Variants in TOMM40 observed in about 807,000 individuals in gnomAD.
TOMM40 encodes the protein translocase of outer mitochondrial membrane 40.
A neutral mutation model predicts 38.4 loss-of-function variants in TOMM40; 9 were observed. The observed-to-expected ratio is 0.23, with a 90% CI of 0.14 to 0.41. TOMM40 has a LOEUF of 0.41. Ranked by LOEUF, TOMM40 falls within the 10% of genes least tolerant of loss-of-function variation. TOMM40 has a pLI of 1.00. For missense variants in TOMM40, 299 were observed against 486.5 expected (o/e 0.61, Z 3.63); for synonymous variants, 184 against 210.0 (o/e 0.88, Z 1.07).
intron 6 of TOMM40, 37 bp from the exon 7 acceptor site, chr19:44,900,991 G>C: frequency 6.2e-7 from 1 of 1,612,890 alleles, no homozygotes; most frequent in Non-Finnish European, 8.5e-7. Flanking sequence ...AAATCCCCTT[G>C]GTAATGAGAC....
chr19:44,896,144 C>T (rs541795229), intron 5 of TOMM40, among the ~76,000 whole-genome samples: 1 of 152,312 alleles, frequency 6.6e-6, no homozygotes, highest in East Asian at 1.9e-4. Context: ...TGCTCCCCAG[C>T]ACTGGCCTCC....
chr19:44,892,558 G>T, intron 2 of TOMM40, 98 bp downstream of exon 2: 1 of 1,173,400 alleles, frequency 8.5e-7, no homozygotes, highest in South Asian at 1.2e-5. Context: ...CTCAAGAGCT[G>T]GGCTCCCTGA....
At chr19:44,899,791 C>CTTTTTTTTTTTTTTTTTTTTTT (rs10524523) in intron 5 of TOMM40, among the ~76,000 whole-genome samples, 3 of 90,984 alleles carry the variant, frequency 3.3e-5, no homozygotes, top group Non-Finnish European at 4.4e-5. Flanking sequence ...TTGCATCTGG[C>CTTTTTTTTTTTTTTTTTTTTTT]TTTTTTTTTT....
chr19:44,891,408 A>G lies in TOMM40; in HGVS notation c.-8A>G. The G allele has an allele frequency of 7.8e-7, 1 of 1,284,420 alleles. No homozygotes were observed. Among genetic ancestry groups the G allele is most frequent in the Non-Finnish European group, 9.8e-7 (1 of 1,019,664 alleles). 79.6% of individuals were successfully genotyped at this position (1,284,420 alleles called of 1,614,324 possible). ...TCTGCCCTCTGACCTCTCCCCTAGC[A>G]GGCGACCATGGGGAACGTGTTGGCT... On this transcript the variant is annotated 5_prime_UTR_variant, in exon 1 of 9. Coordinates refer to ENST00000426677, the MANE Select transcript of TOMM40 (RefSeq NM_001128917.2).
At chr19:44,895,324 G>A (rs1969545094) in intron 5 of TOMM40, among the ~76,000 whole-genome samples, 1 of 152,132 alleles carries the variant, frequency 6.6e-6, no homozygotes, top group Non-Finnish European at 1.5e-5. Context: ...TCCAGGCAGG[G>A]AGAAGCAGGA....
intron 3 of TOMM40, among the ~76,000 whole-genome samples, chr19:44,893,346 T>A (rs1007804695): frequency 9.2e-5 from 14 of 152,142 alleles, no homozygotes; most frequent in African/African-American, 3.1e-4. Context: ...CTCTGGGGCA[T>A]CTCTGGGGTG....
chr19:44,893,414 G>A (rs915068584), intron 3 of TOMM40, among the ~76,000 whole-genome samples: 2 of 152,206 alleles, frequency 1.3e-5, no homozygotes, highest in East Asian at 1.9e-4. Flanking sequence ...CAGGGTTGGG[G>A]GGACTGAATG....
chr19:44,891,998 AAGGTGTCAGCG>A (rs377239666), intron 1 of TOMM40, among the ~76,000 whole-genome samples: 201 of 152,288 alleles, frequency 1.3e-3, no homozygotes, highest in African/African-American at 4.1e-3. Flanking sequence ...CGGTGTCAGC[AAGGTGTCAGCG>A]AGGTTCCTTG....
rs1200478113 is a variant in TOMM40, at chr19:44,891,498, C to T, written c.83C>T (p.Pro28Leu). The T allele has an allele frequency of 1.2e-5, 16 of 1,386,920 alleles. No individual in the cohort carries two copies. Among genetic ancestry groups the T allele is most frequent in the Non-Finnish European group, 1.4e-5 (15 of 1,069,786 alleles). 85.9% of individuals were successfully genotyped at this position (1,386,920 alleles called of 1,614,324 possible). The change falls in exon 1 of 9, where the codon CCT becomes CTT. Residue 28 changes from proline to leucine, a missense_variant. Pro to Leu is a moderately conservative substitution (Grantham distance 98, BLOSUM62 -3). Coordinates refer to ENST00000426677, the MANE Select transcript of TOMM40 (RefSeq NM_001128917.2). ...PAPALVGLPP[P>L]PPSPPGFTLP... The stretch of plus-strand genomic sequence containing the variant: ...CCGGCCCTCGTGGGGCTGCCGCCAC[C>T]TCCGCCCTCGCCGCCGGGCTTCACG...
chr19:44,897,737 G>A (rs1969592959), intron 5 of TOMM40, among the ~76,000 whole-genome samples: 1 of 149,980 alleles, frequency 6.7e-6, no homozygotes, highest in East Asian at 2.0e-4. Flanking sequence ...TGACGCCTTT[G>A]CACTCCAGCC....
At chr19:44,899,163 T>C (rs889461493) in intron 5 of TOMM40, among the ~76,000 whole-genome samples, 6 of 151,746 alleles carry the variant, frequency 4.0e-5, no homozygotes, top group Non-Finnish European at 7.4e-5. Context: ...AAATTTCTTA[T>C]TTTTTGAAAC....
intron 8 of TOMM40, 123 bp downstream of exon 8, chr19:44,901,433 CA>C: frequency 2.0e-6 from 3 of 1,500,580 alleles, no homozygotes; most frequent in African/African-American, 1.4e-5. Flanking sequence ...TCCACATTAC[CA>C]GGGAACACTT....
chr19:44,899,148 A>T (rs1969629495), intron 5 of TOMM40, among the ~76,000 whole-genome samples: 1 of 151,282 alleles, frequency 6.6e-6, no homozygotes, highest in African/African-American at 2.4e-5. Flanking sequence ...AAAAAAAAAA[A>T]AATTAAATTT....
At chr19:44,902,084 C>T (rs1969694479) in intron 8 of TOMM40, 1 of 151,912 alleles carries the variant, frequency 6.6e-6, no homozygotes, top group South Asian at 2.1e-4. Flanking sequence ...AGTGAGACTC[C>T]ATCTCCAAAA....
chr19:44,894,115 T>G, intron 5 of TOMM40, 49 bp downstream of exon 5: 1 of 1,399,524 alleles, frequency 7.1e-7, no homozygotes, highest in South Asian at 1.5e-5. Context: ...CAGTTCTGGC[T>G]TTGCCAGCAA....
intron 5 of TOMM40, 119 bp from the exon 6 acceptor site, chr19:44,900,611 G>GAA (rs1969660427): frequency 6.3e-7 from 1 of 1,581,410 alleles, no homozygotes; most frequent in Non-Finnish European, 8.6e-7. Context: ...AGGAGCCCTT[G>GAA]AGGGAGGCCT....
In TOMM40 at chr19:44,899,791, C is replaced by CTTTT. The variant is rs10524523; in HGVS notation, c.644-907_644-904dup. ...TACTGGCATGAGCCATTGCATCTGG[C>CTTTT]TTTTTTTTTTTTTTTTTTTTTTTTT... On this transcript the variant is annotated intron_variant, in intron 5 of 8. Coordinates refer to ENST00000426677, the MANE Select transcript of TOMM40 (RefSeq NM_001128917.2). Among the ~76,000 whole-genome samples the CTTTT allele has an allele frequency of 3.3e-3, 304 of 90,888 alleles. 26 individuals carry two copies. Among genetic ancestry groups the CTTTT allele is most frequent in the Middle Eastern group, 7.8e-3 (1 of 128 alleles). 59.6% of individuals were successfully genotyped at this position (90,888 alleles called of 152,430 possible).
chr19:44,897,751 G>A (rs1349222465), intron 5 of TOMM40, among the ~76,000 whole-genome samples: 1 of 146,638 alleles, frequency 6.8e-6, no homozygotes, highest in Non-Finnish European at 1.5e-5. Context: ...TCCAGCCTGG[G>A]CAACAAGAGC....
In TOMM40 at chr19:44,900,809, T is replaced by C. The variant is rs1391942014; in HGVS notation, c.723T>C (p.Pro241=). The C allele has an allele frequency of 1.9e-6, 3 of 1,614,008 alleles. No homozygotes were observed. The highest frequency in any genetic ancestry group is 2.5e-6 in the Non-Finnish European group (3 of 1,180,008). ...GAGAGCTGGTCTACCACCGGCGGCC[T>C]GGAGAGGAGGGCACTGTCATGTCTC... The part of the protein sequence containing the change: ...LGGELVYHRR[P]GEEGTVMSLA... The change falls in exon 6 of 9, where the codon CCT becomes CCC. Residue 241 remains proline, a synonymous_variant. Coordinates refer to ENST00000426677, the MANE Select transcript of TOMM40 (RefSeq NM_001128917.2).
Sources: allele counts gnomAD v4.1 joint callset (sites outside exome capture counted in the v4.1 genomes callset), GRCh38; gene constraint gnomAD v4.1.1; transcripts MANE v1.5; gene names NCBI Gene and HGNC (gene_info 2026-07-23, HGNC 2026-07-21).